The following PAM variants were observed in gnomAD, a reference collection of about 807,000 sequenced individuals.
PAM encodes peptidyl-glycine alpha-amidating monooxygenase.
Under a neutral mutation model 122.1 loss-of-function variants are expected in PAM, and 72 were observed. The observed-to-expected ratio is 0.59, with a 90% CI of 0.49 to 0.72. PAM has a LOEUF of 0.72. Among genes scored for constraint, PAM ranks in the 30% least tolerant of loss-of-function variants. The pLI is 0.00. For missense variants in PAM, 1,106 were observed against 1,183.7 expected, an observed-to-expected ratio of 0.93 and a Z score of 0.96; for synonymous variants, 389 against 404.4, an observed-to-expected ratio of 0.96 and a Z score of 0.46.
chr5:102,930,405 G>A (rs1751074469), intron 7 of PAM, among the ~76,000 whole-genome samples: 1 of 152,116 alleles, frequency 6.6e-6, no homozygotes, highest in South Asian at 2.1e-4. Flanking sequence ...CCCAGAGCAG[G>A]GTATGGAAGG....
chr5:102,981,426 G>A (rs898907483), intron 15 of PAM, among the ~76,000 whole-genome samples: 75 of 152,308 alleles, frequency 4.9e-4, no homozygotes, highest in African/African-American at 1.8e-3. Flanking sequence ...TTTTCATTGA[G>A]TATTCTCATA....
intron 7 of PAM, among the ~76,000 whole-genome samples, chr5:102,940,165 T>C (rs536539911): frequency 1.1e-3 from 169 of 149,976 alleles, no homozygotes; most frequent in African/African-American, 3.4e-3. Context: ...CACACACACA[T>C]ATATATGAAA....
intron 1 of PAM, among the ~76,000 whole-genome samples, chr5:102,850,657 C>T (rs555101622): frequency 2.4e-4 from 37 of 152,266 alleles, no homozygotes; most frequent in African/African-American, 8.4e-4. Context: ...TCCTTATTGG[C>T]TAAAGGAGAT....
At chr5:102,972,790 T>C (rs1271958196) in intron 14 of PAM, among the ~76,000 whole-genome samples, 4 of 152,216 alleles carry the variant, frequency 2.6e-5, no homozygotes, top group African/African-American at 9.7e-5. Flanking sequence ...ATAATTTGCT[T>C]TGTTTATTTT....
chr5:102,782,857 C>T (rs1759428262), intron 1 of PAM, among the ~76,000 whole-genome samples: 1 of 150,800 alleles, frequency 6.6e-6, no homozygotes, highest in Non-Finnish European at 1.5e-5. Flanking sequence ...TGTGAAAAAT[C>T]TGCCTTTTCA....
intron 5 of PAM, among the ~76,000 whole-genome samples, chr5:102,917,916 GT>G (rs1057163593): frequency 6.6e-5 from 10 of 152,244 alleles, no homozygotes; most frequent in Admixed American, 2.0e-4. Context: ...TAATTTTAAA[GT>G]TTTTTTCCTC....
chr5:102,959,497 A>T (rs1761837489), intron 12 of PAM, among the ~76,000 whole-genome samples: 1 of 152,134 alleles, frequency 6.6e-6, no homozygotes, highest in African/African-American at 2.4e-5. Context: ...AATAATAAAG[A>T]TTTTCCACGA....
chr5:102,916,307 C>T (rs1426028255), intron 5 of PAM, among the ~76,000 whole-genome samples: 1 of 152,058 alleles, frequency 6.6e-6, no homozygotes, highest in Non-Finnish European at 1.5e-5. Context: ...TCACCTCAAG[C>T]AAGCAGCTCA....
chr5:102,977,405 G>A (rs1393520310), intron 15 of PAM, among the ~76,000 whole-genome samples: 3 of 152,030 alleles, frequency 2.0e-5, no homozygotes, highest in Admixed American at 2.0e-4. Context: ...AGAACAAGAC[G>A]GTTAAATACT....
intron 21 of PAM, among the ~76,000 whole-genome samples, 189 bp from the exon 22 acceptor site, chr5:103,017,145 C>A (rs934348175): frequency 1.3e-5 from 2 of 152,130 alleles, no homozygotes; most frequent in Admixed American, 1.3e-4. Flanking sequence ...CTGGAAGAGT[C>A]AGTACCCAAT....
At chr5:102,961,391 A>G (rs1762455175) in intron 14 of PAM, among the ~76,000 whole-genome samples, 162 bp downstream of exon 14, 1 of 151,868 alleles carries the variant, frequency 6.6e-6, no homozygotes, top group African/African-American at 2.4e-5. Context: ...AAAATGGTCA[A>G]TTATTGCACT....
At chr5:103,025,720 T>C (rs541773647) in intron 24 of PAM, among the ~76,000 whole-genome samples, 1 of 152,190 alleles carries the variant, frequency 6.6e-6, no homozygotes, top group Non-Finnish European at 1.5e-5. Context: ...CCTGGGTCAG[T>C]TTTTCAGGTT....
chr5:103,030,958 A>C (rs1173634369), downstream of PAM: 1 of 152,242 alleles, frequency 6.6e-6, no homozygotes, highest in African/African-American at 2.4e-5. Context: ...CATAAATTAT[A>C]GTTTACAGAT....
chr5:102,885,879 A>G (rs992428242), intron 3 of PAM, among the ~76,000 whole-genome samples: 1 of 151,978 alleles, frequency 6.6e-6, no homozygotes, highest in Non-Finnish European at 1.5e-5. Context: ...AAGGTGTTTC[A>G]TACAGTTACC....
intron 15 of PAM, among the ~76,000 whole-genome samples, chr5:102,985,871 A>G (rs1439126448): frequency 6.6e-6 from 1 of 152,164 alleles, no homozygotes; most frequent in Non-Finnish European, 1.5e-5. Context: ...AACTTCATAA[A>G]CACATCAAAG....
At position 102,872,733 on chromosome 5, in the gene PAM, G is replaced by A. The variant is rs150347870; in HGVS notation, c.210+5340G>A. The stretch of plus-strand genomic sequence containing the variant: ...GAATTGTTTTTATTAAATTCAGAAT[G>A]CCAATTAAATTAGACTTTGTATGTA... On this transcript the variant is annotated intron_variant, in intron 3 of 25. Transcript: ENST00000438793. 9.2e-4 allele frequency among the ~76,000 whole-genome samples: 140 copies of A among 152,266 alleles called. 2 individuals carry two copies. In the East Asian group the frequency reaches 0.025, roughly 27 times the overall value.
intron 1 of PAM, among the ~76,000 whole-genome samples, chr5:102,812,205 A>C (rs532699574): frequency 4.7e-4 from 71 of 152,344 alleles, no homozygotes; most frequent in African/African-American, 1.7e-3. Flanking sequence ...GGAAAGGTAC[A>C]ATATATACAT....
chr5:102,907,130 A>G (rs1350440879), intron 4 of PAM, among the ~76,000 whole-genome samples: 1 of 151,734 alleles, frequency 6.6e-6, no homozygotes, highest in Non-Finnish European at 1.5e-5. Context: ...ATTTGGTGGC[A>G]GCAGCTTGAA....
At chr5:102,756,592 A>G (rs1049505443) in intron 1 of PAM, among the ~76,000 whole-genome samples, 1 of 152,216 alleles carries the variant, frequency 6.6e-6, no homozygotes, top group Non-Finnish European at 1.5e-5. Context: ...TATTGTTTGT[A>G]AATTTTCAGT....
Sources: gnomAD v4.1 joint callset for allele counts (sites outside exome capture counted in the v4.1 genomes callset) on GRCh38, gnomAD v4.1.1 for gene constraint, MANE v1.5 for transcripts, NCBI Gene and HGNC (gene_info 2026-07-23, HGNC 2026-07-21) for gene names.